Variants in DGKI observed in about 807,000 individuals in gnomAD.
DGKI encodes the protein DAG kinase iota.
A neutral mutation model predicts 147.5 loss-of-function variants in DGKI; 55 were observed. The ratio of observed to expected loss-of-function variants is 0.37; its 90% confidence interval spans 0.30 to 0.47. The LOEUF (loss-of-function observed/expected upper bound fraction) is 0.47, where lower values mean the gene tolerates loss of function less well. DGKI is among the 20% of genes least tolerant of loss of function. The pLI is 1.00. For synonymous variants in DGKI, 469 were observed against 477.1 expected, an observed-to-expected ratio of 0.98 and a Z score of 0.22; for missense variants, 1,007 against 1,323.8, an observed-to-expected ratio of 0.76 and a Z score of 3.71.
chr7:137,600,369 T>C (rs1209092178), intron 10 of DGKI, among the ~76,000 whole-genome samples: 2 of 152,210 alleles, frequency 1.3e-5, no homozygotes, highest in Admixed American at 6.5e-5. Context: ...ATAGGTTGAA[T>C]GTCAGTTTAG....
chr7:137,601,323 C>T (rs539509026), intron 10 of DGKI, among the ~76,000 whole-genome samples: 340 of 152,044 alleles, frequency 2.2e-3, no homozygotes, highest in South Asian at 7.7e-3. Context: ...CAAGCAATAC[C>T]AAAAGAGCTT....
chr7:137,567,503 A>G (rs1387830601), intron 19 of DGKI, among the ~76,000 whole-genome samples: 1 of 152,200 alleles, frequency 6.6e-6, no homozygotes, highest in Non-Finnish European at 1.5e-5. Context: ...CATTTTAATA[A>G]ATGCCTCAGG....
intron 30 of DGKI, among the ~76,000 whole-genome samples, chr7:137,401,961 C>T (rs376194881): frequency 2.0e-5 from 3 of 152,282 alleles, no homozygotes; most frequent in African/African-American, 7.2e-5. Context: ...TTTCATTTCC[C>T]TTGCTGGTAT....
intron 20 of DGKI, among the ~76,000 whole-genome samples, chr7:137,547,813 T>C (rs1817914291): frequency 1.3e-5 from 2 of 152,212 alleles, no homozygotes; most frequent in Non-Finnish European, 2.9e-5. Flanking sequence ...AAGGTACATC[T>C]AACAGCTAGA....
At chr7:137,659,691 G>A (rs576407406) in intron 3 of DGKI, among the ~76,000 whole-genome samples, 203 of 152,364 alleles carry the variant, frequency 1.3e-3, no homozygotes, top group African/African-American at 4.3e-3. Flanking sequence ...CCAGCACTCT[G>A]GGAGGCTGAG....
chr7:137,430,851 AG>A (rs1813042865), intron 28 of DGKI, among the ~76,000 whole-genome samples: 2 of 152,122 alleles, frequency 1.3e-5, no homozygotes, highest in Non-Finnish European at 2.9e-5. Context: ...GGAGTGTGTC[AG>A]GAATAGCGGG....
intron 1 of DGKI, among the ~76,000 whole-genome samples, chr7:137,746,569 T>C (rs1795341013): frequency 6.6e-6 from 1 of 152,098 alleles, no homozygotes; most frequent in African/African-American, 2.4e-5. Flanking sequence ...TGTTTGTTTG[T>C]TTGTTTGTTT....
At chr7:137,762,798 C>T (rs556328056) in intron 1 of DGKI, among the ~76,000 whole-genome samples, 2 of 152,176 alleles carry the variant, frequency 1.3e-5, no homozygotes, top group African/African-American at 2.4e-5. Flanking sequence ...TTACAGGATA[C>T]GTCTGCCTCC....
intron 21 of DGKI, among the ~76,000 whole-genome samples, chr7:137,506,481 A>C (rs745426600): frequency 2.2e-4 from 33 of 152,288 alleles, no homozygotes; most frequent in Non-Finnish European, 2.5e-4. Context: ...ACATAACACA[A>C]GGTATTCCTT....
At chr7:137,841,255 G>T (rs571033328) in intron 1 of DGKI, among the ~76,000 whole-genome samples, 1 of 152,354 alleles carries the variant, frequency 6.6e-6, no homozygotes, top group African/African-American at 2.4e-5. Context: ...GCAATGAGTT[G>T]TGGAAGCATT....
rs377124753 is a variant in DGKI, at chr7:137,604,675, TCTCAGGGATGATCAGATAGAATCATC to T, written c.1167+4265_1167+4290del. The stretch of plus-strand genomic sequence containing the variant: ...AAAGCCAGGGTCTGGATCCCTTGGC[TCTCAGGGATGATCAGATAGAATCATC>T]CTAGAGGTCAGAACATTGCTTTACC... On this transcript the variant is annotated intron_variant, in intron 10 of 32. Transcript: ENST00000614521. Among the ~76,000 whole-genome samples, 1,187 of 152,262 alleles carry T rather than the reference TCTCAGGGATGATCAGATAGAATCATC, an allele frequency of 7.8e-3. 16 individuals carry two copies. The highest frequency in any genetic ancestry group is 0.027 in the African/African-American group (1,134 of 41,546).
chr7:137,583,203 G>T (rs1819266533), intron 14 of DGKI, among the ~76,000 whole-genome samples: 1 of 152,156 alleles, frequency 6.6e-6, no homozygotes, highest in Non-Finnish European at 1.5e-5. Flanking sequence ...CCTATGTAAT[G>T]ATTCAGAGTC....
chr7:137,582,445 T>C (rs1819236483), intron 14 of DGKI, among the ~76,000 whole-genome samples: 1 of 151,838 alleles, frequency 6.6e-6, no homozygotes, highest in Non-Finnish European at 1.5e-5. Flanking sequence ...TATATATATA[T>C]ATATATACAC....
chr7:137,493,353 T>A (rs1038219534), intron 21 of DGKI, among the ~76,000 whole-genome samples: 1 of 152,218 alleles, frequency 6.6e-6, no homozygotes, highest in African/African-American at 2.4e-5. Context: ...CCACTCCAGC[T>A]GATGAGCATG....
In DGKI at chr7:137,846,161, T is replaced by TCACACACACA. The variant is rs58484819; in HGVS notation, c.401+291_401+300dup. Among the ~76,000 whole-genome samples the TCACACACACA allele has an allele frequency of 6.5e-5, 7 of 108,220 alleles. No homozygotes were observed. Among genetic ancestry groups the TCACACACACA allele is most frequent in the South Asian group, 6.5e-4 (2 of 3,064 alleles). The allele number at this position is 108,220 out of a possible 152,430, so 71.0% of individuals were successfully genotyped here. A position where few individuals can be genotyped will look rare whatever the true frequency, so the allele number is the denominator to read the frequency against. ...CTCTCTCTCTCTCTCTCTCTCTCTC[T>TCACACACACA]CACACACACACACACACACACACAC... On this transcript the variant is annotated intron_variant, in intron 1 of 32. Coordinates refer to ENST00000614521, the MANE Select transcript of DGKI (RefSeq NM_001321708.2). The surrounding 1 kb of genome is among the most constrained non-coding windows in gnomAD (Gnocchi z 4.0).
intron 28 of DGKI, among the ~76,000 whole-genome samples, chr7:137,418,672 C>T (rs974818948): frequency 6.6e-6 from 1 of 152,048 alleles, no homozygotes; most frequent in Admixed American, 6.5e-5. Flanking sequence ...AAATAATATC[C>T]TATTACCACA....
intron 28 of DGKI, 100 bp downstream of exon 28, chr7:137,443,977 G>A (rs973039012): frequency 4.1e-6 from 4 of 975,950 alleles, no homozygotes; most frequent in Non-Finnish European, 6.1e-6. Flanking sequence ...ATATCTTAGA[G>A]ACATTTGCTT....
At chr7:137,782,895 C>T (rs985505726) in intron 1 of DGKI, among the ~76,000 whole-genome samples, 1 of 152,094 alleles carries the variant, frequency 6.6e-6, no homozygotes, top group Admixed American at 6.5e-5. Flanking sequence ...CACTATAGTT[C>T]GGCTCTCAGG....
intron 28 of DGKI, among the ~76,000 whole-genome samples, chr7:137,441,606 T>C (rs1323670480): frequency 6.6e-6 from 1 of 152,140 alleles, no homozygotes; most frequent in Non-Finnish European, 1.5e-5. Flanking sequence ...AAGAGTACCA[T>C]GGGAATGAAA....
Sources: allele counts gnomAD v4.1 joint callset (sites outside exome capture counted in the v4.1 genomes callset), GRCh38; gene constraint gnomAD v4.1.1; non-coding constraint Gnocchi (gnomAD v3.1); transcripts MANE v1.5; gene names NCBI Gene and HGNC (gene_info 2026-07-23, HGNC 2026-07-21).